ZNF420: variants seen among roughly 807,000 people sequenced by gnomAD.
ZNF420 encodes the protein ATM and p53-associated KZNF protein.
ZNF420 carries 31 observed loss-of-function variants against 44.7 expected under a neutral mutation model. That is an observed-to-expected ratio of 0.69 (90% confidence interval 0.52 to 0.94). The LOEUF (loss-of-function observed/expected upper bound fraction) is 0.94, where lower values mean the gene tolerates loss of function less well. Among genes scored for constraint, ZNF420 ranks in the 40% least tolerant of loss-of-function variants. ZNF420 has a pLI of 0.00. For missense variants in ZNF420, 681 were observed against 827.9 expected (o/e 0.82, Z 2.18); for synonymous variants, 245 against 267.4 (o/e 0.92, Z 0.82).
At chr19:37,048,962 T>A (rs1402651295) in intron 1 of ZNF420, among the ~76,000 whole-genome samples, 3 of 149,524 alleles carry the variant, frequency 2.0e-5, no homozygotes, top group African/African-American at 7.4e-5. Context: ...TGAGAACATG[T>A]GGTGTTTGGT....
chr19:37,094,192 T>A (rs1204613174), intron 4 of ZNF420, among the ~76,000 whole-genome samples: 2 of 152,240 alleles, frequency 1.3e-5, no homozygotes, highest in Non-Finnish European at 2.9e-5. Context: ...GAATTTTTTT[T>A]AATTGAATGT....
intron 1 of ZNF420, among the ~76,000 whole-genome samples, chr19:37,079,641 G>A (rs1000270097): frequency 2.0e-5 from 3 of 152,146 alleles, no homozygotes; most frequent in African/African-American, 7.2e-5. Flanking sequence ...CAGACATTTG[G>A]ACACCTGAGT....
exon 1 of ZNF420, chr19:37,008,045 C>T (rs1159694745): frequency 8.2e-6 from 2 of 242,632 alleles, no homozygotes; most frequent in Non-Finnish European, 1.6e-5. Context: ...GGAAGCAGTA[C>T]GGCGTCCCTG....
At chr19:37,083,943 A>G (rs561806228) in intron 2 of ZNF420, among the ~76,000 whole-genome samples, 1 of 152,350 alleles carries the variant, frequency 6.6e-6, no homozygotes, top group African/African-American at 2.4e-5. Flanking sequence ...TCCAATTGAA[A>G]TAAAAGATTA....
intron 1 of ZNF420, among the ~76,000 whole-genome samples, chr19:37,041,570 C>A (rs1161567234): frequency 6.6e-6 from 1 of 152,140 alleles, no homozygotes; most frequent in Non-Finnish European, 1.5e-5. Context: ...AGCAATCTGT[C>A]TTCTCAAGAT....
intron 1 of ZNF420, among the ~76,000 whole-genome samples, chr19:37,034,187 CT>C (rs951587324): frequency 6.6e-6 from 1 of 151,854 alleles, no homozygotes; most frequent in African/African-American, 2.4e-5. Flanking sequence ...TTATTTTTTC[CT>C]GTTTTTTTGA....
At chr19:37,042,492 C>T (rs945486627) in intron 1 of ZNF420, among the ~76,000 whole-genome samples, 1 of 152,210 alleles carries the variant, frequency 6.6e-6, no homozygotes, top group African/African-American at 2.4e-5. Context: ...CACTATAAAG[C>T]TTATTTCTGT....
intron 4 of ZNF420, among the ~76,000 whole-genome samples, chr19:37,116,617 G>C (rs1036294597): frequency 9.9e-5 from 15 of 152,062 alleles, no homozygotes; most frequent in Non-Finnish European, 2.1e-4. Flanking sequence ...CAGGACAGTG[G>C]GTGCAGCACA....
chr19:37,045,467 T>G (rs1568428236), intron 1 of ZNF420, among the ~76,000 whole-genome samples: 1 of 152,226 alleles, frequency 6.6e-6, no homozygotes, highest in Non-Finnish European at 1.5e-5. Context: ...GAAAGTTGCA[T>G]CCTATGACCT....
At chr19:37,106,909 A>C (rs1568462360) in intron 4 of ZNF420, 1 of 152,102 alleles carries the variant, frequency 6.6e-6, no homozygotes, top group African/African-American at 2.4e-5. Flanking sequence ...TGTGTCGTAA[A>C]CAAGGTTAAG....
At chr19:37,017,368 G>C (rs1388014172) in intron 1 of ZNF420, among the ~76,000 whole-genome samples, 3 of 152,194 alleles carry the variant, frequency 2.0e-5, no homozygotes, top group African/African-American at 7.2e-5. Flanking sequence ...CACACAAGTG[G>C]TATGAGAAGT....
intron 4 of ZNF420, among the ~76,000 whole-genome samples, chr19:37,100,618 C>T (rs1439930193): frequency 6.6e-6 from 1 of 151,952 alleles, no homozygotes; most frequent in Non-Finnish European, 1.5e-5. Context: ...GAGGCTGAGG[C>T]AGGAGAATCA....
chr19:37,054,503 C>A (rs923338534), intron 1 of ZNF420, among the ~76,000 whole-genome samples: 1 of 152,174 alleles, frequency 6.6e-6, no homozygotes, highest in Non-Finnish European at 1.5e-5. Flanking sequence ...TTGGCTCCAC[C>A]GAACAAATTT....
At chr19:37,113,709 G>T (rs755919213) in intron 4 of ZNF420, among the ~76,000 whole-genome samples, 8 of 152,118 alleles carry the variant, frequency 5.3e-5, no homozygotes, top group Non-Finnish European at 1.0e-4. Context: ...GGTCTAACTT[G>T]CTCAGTGGCC....
intron 1 of ZNF420, among the ~76,000 whole-genome samples, chr19:37,067,999 GT>G (rs1328118382): frequency 2.0e-5 from 3 of 151,760 alleles, no homozygotes; most frequent in Non-Finnish European, 4.4e-5. Flanking sequence ...ATTAGTGTGT[GT>G]GTGTATATAT....
At chr19:37,036,758 T>G (rs1967361716) in intron 1 of ZNF420, among the ~76,000 whole-genome samples, 1 of 152,200 alleles carries the variant, frequency 6.6e-6, no homozygotes, top group Non-Finnish European at 1.5e-5. Flanking sequence ...GGGTCCCTTT[T>G]CCTTAGCTCA....
intron 1 of ZNF420, among the ~76,000 whole-genome samples, chr19:37,038,160 G>T (rs531949029): frequency 1.3e-5 from 2 of 152,080 alleles, no homozygotes; most frequent in Admixed American, 6.5e-5. Flanking sequence ...TTACACTATT[G>T]TAGTCAATTA....
intron 1 of ZNF420, among the ~76,000 whole-genome samples, chr19:37,049,658 C>T (rs189871481): frequency 0.013 from 2,000 of 152,210 alleles, 46 homozygotes; most frequent in African/African-American, 0.045. Flanking sequence ...TTCTCCCATT[C>T]TGTAGGTTGC....
chr19:37,081,999 A>C (rs150519409), intron 2 of ZNF420, among the ~76,000 whole-genome samples: 3 of 152,046 alleles, frequency 2.0e-5, no homozygotes, highest in Admixed American at 2.0e-4. Flanking sequence ...TTGATATTTA[A>C]TGTAGCCATT....
Sources: allele counts gnomAD v4.1 joint callset (sites outside exome capture counted in the v4.1 genomes callset), GRCh38; gene constraint gnomAD v4.1.1; transcripts MANE v1.5; gene names NCBI Gene and HGNC (gene_info 2026-07-23, HGNC 2026-07-21).